Variants in PSME3 observed in about 807,000 individuals in gnomAD.
PSME3 encodes proteasome activator complex subunit 3.
A neutral mutation model predicts 38.3 loss-of-function variants in PSME3; 7 were observed. The ratio of observed to expected loss-of-function variants is 0.18; its 90% CI spans 0.10 to 0.34. The LOEUF is 0.34. PSME3 is among the 10% of genes least tolerant of loss of function. The pLI is 1.00. For synonymous variants in PSME3, 108 were observed against 105.7 expected (o/e 1.02, Z -0.13); for missense variants, 192 against 307.6 (o/e 0.62, Z 2.81).
Position 42,839,329 on chromosome 17 carries a change from G to C in PSME3, c.633G>C (p.Glu211Asp). 1 of 1,613,828 alleles carries C rather than the reference G, an allele frequency of 6.2e-7. No homozygotes were observed. The highest frequency in any genetic ancestry group is 8.5e-7 in the Non-Finnish European group (1 of 1,179,836). ...GCCGCACCGTGACAGAGATTGATGA[G>C]AAAGAATATATCAGCCTTCGGCTCA... Reference protein sequence around the residue: ...DYRRTVTEIDEKEYISLRLII... With the variant: ...DYRRTVTEIDDKEYISLRLII... Residue 211 changes from glutamate to aspartate, a missense_variant, in exon 10 of 11, where the codon GAG (glutamate) becomes GAC (aspartate). Physicochemically the swap from Glu to Asp is conservative, Grantham distance 45. Transcript: ENST00000590720.
chr17:42,834,107 CAGG>C (rs1235423439), intron 1 of PSME3: 2 of 1,453,794 alleles, frequency 1.4e-6, no homozygotes, highest in Non-Finnish European at 1.8e-6. Context: ...GCTTCAGACA[CAGG>C]AGGAAGGGAG....
At chr17:42,839,494 C>T (rs1228242173) in intron 10 of PSME3, 114 bp downstream of exon 10, 1 of 805,502 alleles carries the variant, frequency 1.2e-6, no homozygotes, top group Admixed American at 2.4e-5. Flanking sequence ...AATGAATAGA[C>T]CAAATTCTAT....
intron 6 of PSME3, among the ~76,000 whole-genome samples, chr17:42,838,469 A>T (rs1648901225): frequency 6.6e-6 from 1 of 152,010 alleles, no homozygotes; most frequent in African/African-American, 2.4e-5. Context: ...CAACACACCC[A>T]GCTACTTTTT....
chr17:42,837,338 C>T (rs769443998), intron 4 of PSME3, among the ~76,000 whole-genome samples: 29 of 152,102 alleles, frequency 1.9e-4, no homozygotes, highest in Admixed American at 3.9e-4. Flanking sequence ...CATGAACCAC[C>T]GCGCCTGGCT....
rs2055502786 is a variant in PSME3, at chr17:42,839,315, A to G, written c.619A>G (p.Thr207Ala). The change falls in exon 10 of 11, where the codon ACA (threonine) becomes GCA (alanine). Residue 207 changes from threonine (T) to alanine (A), a missense_variant. By Grantham distance (58) the Thr-to-Ala change is moderately conservative. Around this residue, in one of 2 missense-constraint regions of PSME3, gnomAD observed 82 missense variants for 168.2 expected, o/e 0.49. Coordinates refer to ENST00000590720, the MANE Select transcript of PSME3 (RefSeq NM_005789.4). ...PHVEDYRRTV[T>A]EIDEKEYISL... Reference sequence around the variant, plus strand: ...GCAGGAGGACTATCGCCGCACCGTGACAGAGATTGATGAGAAAGAATATAT... The same window carrying G: ...GCAGGAGGACTATCGCCGCACCGTGGCAGAGATTGATGAGAAAGAATATAT... The G allele has an allele frequency of 6.2e-7, 1 of 1,613,866 alleles. No homozygotes were observed. The highest frequency in any genetic ancestry group is 8.5e-7 in the Non-Finnish European group (1 of 1,179,762).
chr17:42,838,342 C>T (rs1317823253), intron 6 of PSME3, 137 bp downstream of exon 6: 5 of 1,428,422 alleles, frequency 3.5e-6, no homozygotes, highest in Non-Finnish European at 4.6e-6. Flanking sequence ...GGGTCTCGCT[C>T]CATCACCCAG....
chr17:42,838,538 G>A (rs1316238954), intron 6 of PSME3, among the ~76,000 whole-genome samples, 193 bp from the exon 7 acceptor site: 1 of 152,072 alleles, frequency 6.6e-6, no homozygotes, highest in Non-Finnish European at 1.5e-5. Flanking sequence ...GGCTGGTCTC[G>A]AACTCCTGAC....
chr17:42,841,996 C>CG lies in PSME3; in HGVS notation c.*424dup, dbSNP rs1009052093. The CG allele has an allele frequency of 4.5e-5, 7 of 154,694 alleles. No individual in the cohort carries two copies. In the South Asian group the frequency reaches 9.8e-4, roughly 22 times the overall value. The allele number at this position is 154,694 out of a possible 1,614,324, so 9.6% of individuals were successfully genotyped here. On this transcript the variant is annotated 3_prime_UTR_variant, in exon 11 of 11. Coordinates refer to ENST00000590720, the MANE Select transcript of PSME3 (RefSeq NM_005789.4). Reference sequence around the variant, plus strand: ...AGGTGTTTTTTAGGAACTAGGGTGGCGGGGGGACGAACTTCTCTTCCTCAC... The same window carrying CG: ...AGGTGTTTTTTAGGAACTAGGGTGGCGGGGGGGACGAACTTCTCTTCCTCAC...
At chr17:42,838,565 G>T in intron 6 of PSME3, 166 bp from the exon 7 acceptor site, 2 of 724,946 alleles carry the variant, frequency 2.8e-6, no homozygotes, top group Non-Finnish European at 4.6e-6. Flanking sequence ...TGATCCACCC[G>T]CTTCGGGGTC....
At chr17:42,834,474 C>T (rs753176757) in intron 2 of PSME3, 41 bp from the exon 3 acceptor site, 15 of 1,580,000 alleles carry the variant, frequency 9.5e-6, no homozygotes, top group Admixed American at 1.7e-5. Flanking sequence ...GAGAGACCTT[C>T]CCACAGATAT....
At position 42,833,581 on chromosome 17, in the gene PSME3, A is replaced by T. The variant is rs1205993983; in HGVS notation, c.-51A>T. 1 of 1,612,666 alleles carries T rather than the reference A, an allele frequency of 6.2e-7. No individual in the cohort carries two copies. The highest frequency in any genetic ancestry group is 8.5e-7 in the Non-Finnish European group (1 of 1,179,026). On this transcript the variant is annotated 5_prime_UTR_variant, in exon 1 of 11. Coordinates refer to ENST00000590720, the MANE Select transcript of PSME3 (RefSeq NM_005789.4). ...CAGGTCCCTCCGGCCCCCTCCCTGG[A>T]GTCCACAGCGCCTCCGGTGTCCAGA...
rs1456863987 is a variant in PSME3, at chr17:42,838,561, AC to A, written c.406-167del. 7 of 710,782 alleles carry A rather than the reference AC, an allele frequency of 9.8e-6. No individual in the cohort carries two copies. The Admixed American group carries it at 2.0e-4, about 21-fold the overall frequency. 44.0% of individuals were successfully genotyped at this position (710,782 alleles called of 1,614,324 possible). A position where few individuals can be genotyped will look rare whatever the true frequency, so the allele number is the denominator to read the frequency against. The stretch of plus-strand genomic sequence containing the variant: ...TCGAACTCCTGACCTCAGGTGATCC[AC>A]CCGCTTCGGGGTCCCAAATTGCTGG... On this transcript the variant is annotated intron_variant, in intron 6 of 10. Transcript: ENST00000590720.
chr17:42,834,635 T>C, intron 3 of PSME3, 58 bp downstream of exon 3: 1 of 1,609,924 alleles, frequency 6.2e-7, no homozygotes, highest in Admixed American at 1.7e-5. Context: ...GGTATTACTG[T>C]CAACTGGGAT....
intron 1 of PSME3, chr17:42,833,917 G>A: frequency 2.1e-6 from 3 of 1,448,196 alleles, no homozygotes; most frequent in East Asian, 5.0e-5. Flanking sequence ...GTTGGACTCA[G>A]GGCTTTAGGC....
intron 10 of PSME3, among the ~76,000 whole-genome samples, chr17:42,840,792 A>C (rs1397109139): frequency 6.6e-6 from 1 of 152,164 alleles, no homozygotes; most frequent in Non-Finnish European, 1.5e-5. Context: ...TTGAAGTATA[A>C]GAGAGGTGGT....
chr17:42,837,165 A>C (rs913899092), intron 4 of PSME3, among the ~76,000 whole-genome samples: 54 of 152,092 alleles, frequency 3.6e-4, no homozygotes, highest in African/African-American at 1.3e-3. Flanking sequence ...AGTTCTCTGC[A>C]TCAGCCTCCC....
rs2055563002 is a variant in PSME3 at position 42,843,717 on chromosome 17, CTA to C, written c.*2141_*2142del. 6.6e-6 allele frequency: 1 copy of C among 152,378 alleles called. No homozygotes were observed. Among genetic ancestry groups the C allele is most frequent in the South Asian group, 2.1e-4 (1 of 4,830 alleles). 9.4% of individuals were successfully genotyped at this position (152,378 alleles called of 1,614,324 possible). On this transcript the variant is annotated 3_prime_UTR_variant, in exon 11 of 11. Transcript: ENST00000590720. ...ATTACTTGGAGGGCTGCCTAGGAATCTATCTCCCTCTGAAATAAAGTTTCCTC... is the reference window on the plus strand; with the variant it reads ...ATTACTTGGAGGGCTGCCTAGGAATCTCTCCCTCTGAAATAAAGTTTCCTC...
At chr17:42,834,126 G>T in intron 1 of PSME3, 2 of 1,464,504 alleles carry the variant, frequency 1.4e-6, no homozygotes, top group Non-Finnish European at 1.8e-6. Flanking sequence ...GGGAGGGAAG[G>T]GGGAGGACAG....
rs901663101 is a variant in PSME3 at position 42,833,456 on chromosome 17, A to C, written c.-176A>C. The C allele has an allele frequency of 4.3e-6, 3 of 693,152 alleles. No individual in the cohort carries two copies. Among genetic ancestry groups the C allele is most frequent in the South Asian group, 1.9e-5 (1 of 53,944 alleles). The allele number at this position is 693,152 out of a possible 1,614,324, so 42.9% of individuals were successfully genotyped here. ...GCGAGCGAGAGAGCAAGCAGGCAGC[A>C]GGCTGCCGGCGGGCGGGCGGACGGC... On this transcript the variant is annotated 5_prime_UTR_variant, in exon 1 of 11. Transcript: ENST00000590720.
Sources: allele counts gnomAD v4.1 joint callset (sites outside exome capture counted in the v4.1 genomes callset), GRCh38; gene constraint gnomAD v4.1.1; regional missense constraint gnomAD v4.1.1; transcripts MANE v1.5; gene names NCBI Gene and HGNC (gene_info 2026-07-23, HGNC 2026-07-21).